Variants in FBXL20 observed in about 807,000 individuals in gnomAD.
FBXL20 encodes the protein F-box and leucine rich repeat protein 20.
A neutral mutation model predicts 64.0 loss-of-function variants in FBXL20; 11 were observed. That is an observed-to-expected ratio of 0.17 (90% confidence interval 0.11 to 0.28). The LOEUF (loss-of-function observed/expected upper bound fraction) is 0.28, where lower values mean the gene tolerates loss of function less well. FBXL20 is among the 10% of genes least tolerant of loss of function. FBXL20 has a pLI of 1.00. For synonymous variants in FBXL20, 184 were observed against 189.0 expected (o/e 0.97, Z 0.22); for missense variants, 303 against 526.2 (o/e 0.58, Z 4.15).
chr17:39,391,762 T>A (rs1400860379), intron 1 of FBXL20, among the ~76,000 whole-genome samples: 1 of 151,994 alleles, frequency 6.6e-6, no homozygotes, highest in Non-Finnish European at 1.5e-5. Context: ...GAAAACCTTG[T>A]AGCTAAAATT....
chr17:39,364,132 C>T (rs1050037562), intron 1 of FBXL20, among the ~76,000 whole-genome samples: 1 of 152,018 alleles, frequency 6.6e-6, no homozygotes, highest in Non-Finnish European at 1.5e-5. Context: ...TCAAGTGATC[C>T]GCCCACCTCA....
chr17:39,311,900 T>C (rs1189432675), intron 2 of FBXL20, among the ~76,000 whole-genome samples: 5 of 152,128 alleles, frequency 3.3e-5, no homozygotes, highest in African/African-American at 4.8e-5. Context: ...TAAAGCACAA[T>C]AGACAGACAT....
chr17:39,285,295 T>C (rs1372217793), intron 7 of FBXL20, among the ~76,000 whole-genome samples, 183 bp downstream of exon 7: 1 of 151,806 alleles, frequency 6.6e-6, no homozygotes, highest in African/African-American at 2.4e-5. Context: ...TTACCTCTAG[T>C]CATTTCACTT....
In FBXL20 at chr17:39,401,591, C is replaced by T. The variant is rs2048245936; in HGVS notation, c.-189G>A. ...CCACCACCTCCCGCGGCGCCGGCGGCCGCAACGACTGCTCGTCGCTAGCTC... is the reference window on the plus strand; with the variant it reads ...CCACCACCTCCCGCGGCGCCGGCGGTCGCAACGACTGCTCGTCGCTAGCTC... On this transcript the variant is annotated 5_prime_UTR_variant, in exon 1 of 15. Transcript: ENST00000264658. The T allele has an allele frequency of 7.1e-7, 1 of 1,404,076 alleles. No individual in the cohort carries two copies. Among genetic ancestry groups the T allele is most frequent in the Non-Finnish European group, 9.2e-7 (1 of 1,087,540 alleles). The allele number at this position is 1,404,076 out of a possible 1,614,324, so 87.0% of individuals were successfully genotyped here. A position where few individuals can be genotyped will look rare whatever the true frequency, so the allele number is the denominator to read the frequency against.
chr17:39,340,425 T>G (rs1462857500), intron 2 of FBXL20, among the ~76,000 whole-genome samples: 2 of 152,164 alleles, frequency 1.3e-5, no homozygotes, highest in African/African-American at 4.8e-5. Flanking sequence ...AGACGAGGTT[T>G]CACCATGTTG....
chr17:39,349,234 A>G (rs2060603229), intron 1 of FBXL20, among the ~76,000 whole-genome samples: 1 of 150,268 alleles, frequency 6.7e-6, no homozygotes, highest in Admixed American at 6.7e-5. Flanking sequence ...CCTGGGGAAC[A>G]GAGCGGGACT....
intron 1 of FBXL20, among the ~76,000 whole-genome samples, chr17:39,381,579 C>G (rs1304034486): frequency 6.6e-6 from 1 of 151,146 alleles, no homozygotes; most frequent in African/African-American, 2.4e-5. Flanking sequence ...TAACTTGAGC[C>G]CAGGAGTTTG....
intron 1 of FBXL20, among the ~76,000 whole-genome samples, chr17:39,398,891 T>C (rs1044751409): frequency 2.0e-5 from 3 of 152,030 alleles, no homozygotes; most frequent in African/African-American, 7.2e-5. Flanking sequence ...GTCAGGCTGG[T>C]CTTGAACTCC....
intron 10 of FBXL20, among the ~76,000 whole-genome samples, chr17:39,274,314 T>C (rs1279885503): frequency 2.6e-5 from 4 of 152,204 alleles, no homozygotes; most frequent in South Asian, 4.1e-4. Flanking sequence ...TGAGGTGAGA[T>C]GATCACTTGA....
chr17:39,276,443 G>A (rs1019914530), intron 9 of FBXL20, among the ~76,000 whole-genome samples: 1 of 151,460 alleles, frequency 6.6e-6, no homozygotes, highest in Non-Finnish European at 1.5e-5. Flanking sequence ...GGCGGAGGCG[G>A]GTGGATCACG....
At chr17:39,272,366 C>A (rs1255512816) in intron 10 of FBXL20, among the ~76,000 whole-genome samples, 5 of 144,564 alleles carry the variant, frequency 3.5e-5, no homozygotes, top group African/African-American at 1.3e-4. Context: ...AGCCTGGCAA[C>A]AGAGCGAGAC....
intron 2 of FBXL20, among the ~76,000 whole-genome samples, chr17:39,335,716 T>C (rs1359485638): frequency 2.0e-5 from 3 of 152,148 alleles, no homozygotes; most frequent in African/African-American, 4.8e-5. Context: ...TAAGTACATA[T>C]GGTTTTGCTC....
chr17:39,297,268 A>ATAT, intron 5 of FBXL20, 73 bp from the exon 6 acceptor site: 2 of 840,246 alleles, frequency 2.4e-6, no homozygotes, highest in Admixed American at 4.4e-5. Context: ...GTAATAAAAT[A>ATAT]TATTATTATT....
intron 2 of FBXL20, among the ~76,000 whole-genome samples, chr17:39,334,210 A>C (rs1006010465): frequency 3.0e-4 from 45 of 152,148 alleles, no homozygotes; most frequent in Non-Finnish European, 2.2e-4. Flanking sequence ...TGTGTCCACT[A>C]AGGGTTAAAT....
At chr17:39,391,251 C>CAA (rs746792198) in intron 1 of FBXL20, among the ~76,000 whole-genome samples, 4 of 60,008 alleles carry the variant, frequency 6.7e-5, no homozygotes, top group East Asian at 4.7e-4. Context: ...CCACCTGTCT[C>CAA]AAAAAAAAAA....
At chr17:39,342,698 C>G (rs2047594509) in intron 2 of FBXL20, among the ~76,000 whole-genome samples, 1 of 151,946 alleles carries the variant, frequency 6.6e-6, no homozygotes, top group African/African-American at 2.4e-5. Flanking sequence ...GCCTGGGCGA[C>G]AGAGAGAGAC....
intron 1 of FBXL20, among the ~76,000 whole-genome samples, chr17:39,368,009 C>T (rs974905704): frequency 4.6e-5 from 7 of 152,038 alleles, no homozygotes; most frequent in African/African-American, 1.7e-4. Context: ...AACTCCTGGC[C>T]TCCAGTGATC....
chr17:39,369,256 C>CTTTTTTTTTTTT (rs72363930), intron 1 of FBXL20, among the ~76,000 whole-genome samples: 1 of 98,578 alleles, frequency 1.0e-5, no homozygotes, highest in East Asian at 2.9e-4. Flanking sequence ...GAATTCAATG[C>CTTTTTTTTTTTT]TTTTTTTTTT....
At chr17:39,303,537 A>G in intron 3 of FBXL20, 48 bp downstream of exon 3, 2 of 1,500,696 alleles carry the variant, frequency 1.3e-6, no homozygotes, top group Admixed American at 2.0e-5. Context: ...GGCTGTTATC[A>G]TCAGTATGAA....
Sources: gnomAD v4.1 joint callset for allele counts (sites outside exome capture counted in the v4.1 genomes callset) on GRCh38, gnomAD v4.1.1 for gene constraint, MANE v1.5 for transcripts, NCBI Gene and HGNC (gene_info 2026-07-23, HGNC 2026-07-21) for gene names.